Variants in SLC16A9 observed in about 807,000 individuals in gnomAD.
SLC16A9 encodes monocarboxylate transporter 9.
Under a neutral mutation model 44.3 loss-of-function variants are expected in SLC16A9, and 26 were observed. The observed-to-expected ratio is 0.59, with a 90% CI of 0.43 to 0.81. The LOEUF (loss-of-function observed/expected upper bound fraction) is 0.81. SLC16A9 is among the 40% of genes least tolerant of loss of function. The probability of loss-of-function intolerance (pLI) is 0.00; values close to 1 mark genes in which losing one functional copy is unlikely to be tolerated. For synonymous variants in SLC16A9, 230 were observed against 225.1 expected (o/e 1.02, Z -0.19); for missense variants, 559 against 595.8 (o/e 0.94, Z 0.64).
intron 3 of SLC16A9, among the ~76,000 whole-genome samples, chr10:59,666,888 A>AC (rs1432334228): frequency 4.6e-5 from 7 of 151,318 alleles, no homozygotes; most frequent in East Asian, 1.9e-4. Flanking sequence ...AAAAAAAAAA[A>AC]ACACACAGAA....
rs1008949395 is a variant in SLC16A9, at chr10:59,651,654, G to A, written c.*1118C>T. ...AAAAATCAATGTATTAAACATTGGA[G>A]TTTATCCCAAGGACATTTTTCTTAA... is the stretch of plus-strand genomic sequence containing the variant. On this transcript the variant is annotated 3_prime_UTR_variant, in exon 6 of 6. Transcript: ENST00000395348. The A allele has an allele frequency of 1.3e-5, 2 of 152,134 alleles. No homozygotes were observed. The highest frequency in any genetic ancestry group is 2.9e-5 in the Non-Finnish European group (2 of 68,022). The allele number at this position is 152,134 out of a possible 1,614,324, so 9.4% of individuals were successfully genotyped here. A position where few individuals can be genotyped will look rare whatever the true frequency, so the allele number is the denominator to read the frequency against.
intron 1 of SLC16A9, among the ~76,000 whole-genome samples, chr10:59,687,207 T>TA (rs997137941): frequency 1.3e-5 from 2 of 152,184 alleles, no homozygotes; most frequent in African/African-American, 4.8e-5. Context: ...GCCTGGCCCC[T>TA]AATTTCCTTC....
chr10:59,696,244 T>C (rs1179835602), intron 1 of SLC16A9, among the ~76,000 whole-genome samples: 3 of 152,234 alleles, frequency 2.0e-5, no homozygotes, highest in African/African-American at 7.2e-5. Flanking sequence ...CCTGCGATTG[T>C]AGGCGCGGGC....
chr10:59,657,005 AG>A (rs993221930), intron 4 of SLC16A9, among the ~76,000 whole-genome samples: 1 of 152,232 alleles, frequency 6.6e-6, no homozygotes, highest in Non-Finnish European at 1.5e-5. Flanking sequence ...ACTTCCCGAA[AG>A]GATCAGAGAG....
intron 1 of SLC16A9, among the ~76,000 whole-genome samples, chr10:59,708,319 T>C (rs1248174684): frequency 6.6e-6 from 1 of 152,248 alleles, no homozygotes; most frequent in Non-Finnish European, 1.5e-5. Flanking sequence ...GCTATAATCA[T>C]GCAACAAATA....
chr10:59,681,105 C>T (rs1272735357), intron 2 of SLC16A9, among the ~76,000 whole-genome samples: 2 of 152,150 alleles, frequency 1.3e-5, no homozygotes, highest in African/African-American at 4.8e-5. Flanking sequence ...ATAGATGATC[C>T]TAATTATCTC....
At chr10:59,705,891 T>A (rs1352487823) in intron 1 of SLC16A9, among the ~76,000 whole-genome samples, 1 of 152,228 alleles carries the variant, frequency 6.6e-6, no homozygotes, top group East Asian at 1.9e-4. Context: ...TTTCTTAGCA[T>A]GACATGTCAT....
rs751036356 is a variant in SLC16A9, at chr10:59,684,151, T to G, written c.141A>C (p.Gly47=). 6.2e-7 allele frequency: 1 copy of G among 1,614,056 alleles called. No homozygotes were observed. Among genetic ancestry groups the G allele is most frequent in the Non-Finnish European group, 8.5e-7 (1 of 1,179,982 alleles). The change falls in exon 2 of 6, where the codon GGA becomes GGC. Residue 47 remains glycine (G), a synonymous_variant. Transcript: ENST00000395348. ...ATCCAACCCAGGCTGTTTTTCCTTTTCCTTCACCAAAGGCATCCAGCCATT... is the reference window on the plus strand; with the variant it reads ...ATCCAACCCAGGCTGTTTTTCCTTTGCCTTCACCAAAGGCATCCAGCCATT... ...YIEWLDAFGE[G]KGKTAWVGSL...
In SLC16A9 at chr10:59,695,049, A is replaced by G. The variant is rs77168473; in HGVS notation, c.-36-10722T>C. 1.3e-4 allele frequency among the ~76,000 whole-genome samples: 20 copies of G among 152,070 alleles called. No individual in the cohort carries two copies. In the East Asian group the frequency reaches 3.9e-3, roughly 29 times the overall value. On this transcript the variant is annotated intron_variant, in intron 1 of 5. Transcript: ENST00000395348. Reference sequence around the variant, plus strand: ...ACCTTAAGCTAAGTGAGAAAATGTAATTGAAAGAGACCACACATTGTATGA... The same window carrying G: ...ACCTTAAGCTAAGTGAGAAAATGTAGTTGAAAGAGACCACACATTGTATGA...
At chr10:59,677,173 G>T (rs939769617) in intron 2 of SLC16A9, among the ~76,000 whole-genome samples, 1 of 151,642 alleles carries the variant, frequency 6.6e-6, no homozygotes. Context: ...TAGTGTTCAA[G>T]AGCCAATATT....
chr10:59,681,237 A>G (rs1466074678), intron 2 of SLC16A9, among the ~76,000 whole-genome samples: 1 of 151,954 alleles, frequency 6.6e-6, no homozygotes, highest in African/African-American at 2.4e-5. Flanking sequence ...GCTGATGGTC[A>G]GTGTGACTTG....
chr10:59,693,372 G>A (rs1017083615), intron 1 of SLC16A9, among the ~76,000 whole-genome samples: 3 of 152,136 alleles, frequency 2.0e-5, no homozygotes, highest in Admixed American at 6.5e-5. Flanking sequence ...CAAGATGTCA[G>A]TGTATCATTT....
Position 59,654,715 on chromosome 10 carries a change from TAAG to T in SLC16A9, c.437-129_437-127del, listed in dbSNP as rs1334000636. 6.5e-5 allele frequency: 47 copies of T among 724,096 alleles called. No individual in the cohort carries two copies. In the South Asian group the frequency reaches 8.9e-4, roughly 14 times the overall value. The allele number at this position is 724,096 out of a possible 1,614,324, so 44.9% of individuals were successfully genotyped here. ...ATGTAACTTCATATTAAAATCATAT[TAAG>T]AAGATAGAAGATAACAATAATAACA... is the stretch of plus-strand genomic sequence containing the variant. On this transcript the variant is annotated intron_variant, in intron 4 of 5. Coordinates refer to ENST00000395348, the MANE Select transcript of SLC16A9 (RefSeq NM_194298.3).
chr10:59,654,828 T>A (rs946863439), intron 4 of SLC16A9, among the ~76,000 whole-genome samples: 1 of 152,192 alleles, frequency 6.6e-6, no homozygotes, highest in Non-Finnish European at 1.5e-5. Flanking sequence ...CACGATCATG[T>A]TTAATGCTTT....
At chr10:59,697,737 AT>A (rs1223219653) in intron 1 of SLC16A9, among the ~76,000 whole-genome samples, 19 of 150,268 alleles carry the variant, frequency 1.3e-4, no homozygotes, top group East Asian at 3.9e-4. Context: ...AATAAAAAAA[AT>A]AAAATAAAAA....
chr10:59,680,362 G>A (rs1839960626), intron 2 of SLC16A9, among the ~76,000 whole-genome samples: 3 of 152,334 alleles, frequency 2.0e-5, no homozygotes, highest in Non-Finnish European at 4.4e-5. Context: ...AAGCCCAGGA[G>A]TAGGACTTTA....
intron 4 of SLC16A9, among the ~76,000 whole-genome samples, chr10:59,657,166 T>C (rs1388271688): frequency 2.0e-5 from 3 of 152,242 alleles, no homozygotes; most frequent in Non-Finnish European, 4.4e-5. Context: ...AAATGTAAAT[T>C]GCACATAATT....
At chr10:59,696,155 C>G (rs1840366900) in intron 1 of SLC16A9, among the ~76,000 whole-genome samples, 1 of 152,194 alleles carries the variant, frequency 6.6e-6, no homozygotes, top group Middle Eastern at 3.2e-3. Context: ...TGATGCCCAG[C>G]CGAAGCTGGA....
intron 1 of SLC16A9, among the ~76,000 whole-genome samples, chr10:59,688,697 A>G (rs1840186831): frequency 6.6e-6 from 1 of 151,606 alleles, no homozygotes; most frequent in Admixed American, 6.6e-5. Flanking sequence ...CTCAAACTAG[A>G]TAGGATATGA....
Sources: gnomAD v4.1 joint callset for allele counts (sites outside exome capture counted in the v4.1 genomes callset) on GRCh38, gnomAD v4.1.1 for gene constraint, MANE v1.5 for transcripts, NCBI Gene and HGNC (gene_info 2026-07-23, HGNC 2026-07-21) for gene names.